Variants in CCDC30 observed in about 807,000 individuals in gnomAD.
CCDC30 encodes the protein coiled-coil domain containing 30.
In CCDC30, 70 loss-of-function variants were observed where a neutral mutation model predicts 100.2. The observed-to-expected ratio is 0.70, with a 90% CI of 0.58 to 0.85. The LOEUF is 0.85. Among genes scored for constraint, CCDC30 ranks in the 40% least tolerant of loss-of-function variants. The probability of loss-of-function intolerance (pLI) is 0.00; values close to 1 mark genes in which losing one functional copy is unlikely to be tolerated. For missense variants in CCDC30, 652 were observed against 771.2 expected, an observed-to-expected ratio of 0.85 and a Z score of 1.83; for synonymous variants, 233 against 269.5, an observed-to-expected ratio of 0.86 and a Z score of 1.33.
chr1:42,581,596 T>A (rs574861321), intron 9 of CCDC30, 82 bp downstream of exon 13: 2 of 1,284,222 alleles, frequency 1.6e-6, no homozygotes, highest in South Asian at 3.0e-5. Flanking sequence ...TCTAACAGAA[T>A]ATCAGAGAGT....
At chr1:42,477,933 G>A (rs564853273) in intron 1 of CCDC30, among the ~76,000 whole-genome samples, 1 of 152,194 alleles carries the variant, frequency 6.6e-6, no homozygotes, top group African/African-American at 2.4e-5. Context: ...GAACAGAGTT[G>A]ATAATACATA....
chr1:42,466,194 C>G (rs557236075), intron 1 of CCDC30, among the ~76,000 whole-genome samples: 2 of 152,278 alleles, frequency 1.3e-5, no homozygotes, highest in African/African-American at 2.4e-5. Context: ...TGTGGCTGTG[C>G]TATGTACTTT....
At chr1:42,614,224 G>A (rs1194751366) in intron 11 of CCDC30, among the ~76,000 whole-genome samples, 1 of 150,768 alleles carries the variant, frequency 6.6e-6, no homozygotes, top group Non-Finnish European at 1.5e-5. Flanking sequence ...GGGACTACAG[G>A]CGCCCGCCAC....
In CCDC30 at chr1:42,642,458, C is replaced by T; in HGVS notation, c.1420-15C>T. The T allele has an allele frequency of 6.7e-7, 1 of 1,494,442 alleles. No homozygotes were observed. 92.6% of individuals were successfully genotyped at this position (1,494,442 alleles called of 1,614,324 possible). A position where few individuals can be genotyped will look rare whatever the true frequency, so the allele number is the denominator to read the frequency against. ...TTCTCCTGCTGTGGTAATTAGGAGA[C>T]TTTCTAATCCCTAGGAGAAGGCAAT... On this transcript the variant is annotated splice_polypyrimidine_tract_variant and intron_variant, in intron 12 of 16. Transcript: ENST00000668663.
At chr1:42,481,323 C>A (rs1643953621) in intron 2 of CCDC30, among the ~76,000 whole-genome samples, 1 of 152,010 alleles carries the variant, frequency 6.6e-6, no homozygotes, top group Non-Finnish European at 1.5e-5. Flanking sequence ...TACCTGTAAT[C>A]CCAGCACTTT....
At chr1:42,603,819 C>G (rs1646452135) in intron 10 of CCDC30, among the ~76,000 whole-genome samples, 1 of 152,208 alleles carries the variant, frequency 6.6e-6, no homozygotes, top group Non-Finnish European at 1.5e-5. Flanking sequence ...ACCCAAAACC[C>G]TGCATACAGA....
chr1:42,614,107 G>A (rs1336245918), intron 11 of CCDC30, among the ~76,000 whole-genome samples: 2 of 147,034 alleles, frequency 1.4e-5, no homozygotes, highest in Non-Finnish European at 3.0e-5. Flanking sequence ...TTGAGATGGA[G>A]TCTCGCTCTG....
chr1:42,568,356 C>T (rs2148568180), intron 7 of CCDC30, among the ~76,000 whole-genome samples: 1 of 152,262 alleles, frequency 6.6e-6, no homozygotes, highest in African/African-American at 2.4e-5. Flanking sequence ...CTCAGGTGAT[C>T]CTTCCGGCTT....
At chr1:42,620,609 C>G (rs112975234) in intron 11 of CCDC30, among the ~76,000 whole-genome samples, 2,594 of 151,322 alleles carry the variant, frequency 0.017, 68 homozygotes, top group African/African-American at 0.06. Flanking sequence ...TAACTTGTCT[C>G]TCAGGAATCT....
chr1:42,605,484 CATT>C (rs1030440191), intron 10 of CCDC30, among the ~76,000 whole-genome samples: 1 of 152,202 alleles, frequency 6.6e-6, no homozygotes, highest in African/African-American at 2.4e-5. Context: ...CAAACAAAGT[CATT>C]ATTTTTTTTC....
intron 11 of CCDC30, among the ~76,000 whole-genome samples, chr1:42,629,390 G>T (rs766538328): frequency 1.3e-5 from 2 of 152,150 alleles, no homozygotes; most frequent in Non-Finnish European, 2.9e-5. Context: ...AAAGTCTGCT[G>T]CCAGACATAT....
intron 6 of CCDC30, 102 bp from the exon 7 acceptor site, chr1:42,536,374 C>G (rs1318504430): frequency 5.7e-6 from 4 of 701,542 alleles, no homozygotes; most frequent in Non-Finnish European, 9.0e-6. Flanking sequence ...TCATAAATCC[C>G]CTGGATGATT....
At chr1:42,472,022 G>T (rs550299472) in intron 1 of CCDC30, among the ~76,000 whole-genome samples, 2 of 152,312 alleles carry the variant, frequency 1.3e-5, no homozygotes, top group East Asian at 3.9e-4. Flanking sequence ...TTAATAGTTA[G>T]TGGTTTTAAT....
At chr1:42,570,506 G>A (rs1459440732) in intron 7 of CCDC30, among the ~76,000 whole-genome samples, 2 of 151,938 alleles carry the variant, frequency 1.3e-5, no homozygotes, top group East Asian at 1.9e-4. Context: ...ACACTACCCA[G>A]GAGAAGAAAT....
chr1:42,561,762 A>G (rs987549226), intron 6 of CCDC30, among the ~76,000 whole-genome samples: 1 of 152,246 alleles, frequency 6.6e-6, no homozygotes, highest in African/African-American at 2.4e-5. Flanking sequence ...AAGTCTCAGC[A>G]TACAAAATCA....
intron 3 of CCDC30, among the ~76,000 whole-genome samples, chr1:42,485,953 C>G (rs770269111): frequency 3.9e-5 from 6 of 152,284 alleles, no homozygotes; most frequent in African/African-American, 7.2e-5. Context: ...TTCATACCCA[C>G]TAGAATGGCC....
chr1:42,644,637 T>A, intron 13 of CCDC30, 56 bp from the exon 18 acceptor site: 1 of 1,122,396 alleles, frequency 8.9e-7, no homozygotes, highest in Middle Eastern at 2.0e-4. Flanking sequence ...TAGTTTTGGG[T>A]TTTTAGTAAT....
chr1:42,502,807 C>T (rs1420214362), intron 6 of CCDC30, among the ~76,000 whole-genome samples: 2 of 152,186 alleles, frequency 1.3e-5, no homozygotes, highest in Non-Finnish European at 2.9e-5. Flanking sequence ...ACATTTGTGT[C>T]TGCCTTCTTT....
chr1:42,517,174 C>T (rs984628129), intron 6 of CCDC30, among the ~76,000 whole-genome samples: 6 of 152,138 alleles, frequency 3.9e-5, no homozygotes, highest in Admixed American at 6.5e-5. Flanking sequence ...ACCTCCAACT[C>T]CTGTGCTCAA....
Sources: allele counts gnomAD v4.1 joint callset (sites outside exome capture counted in the v4.1 genomes callset), GRCh38; gene constraint gnomAD v4.1.1; transcripts MANE v1.5; gene names NCBI Gene and HGNC (gene_info 2026-07-23, HGNC 2026-07-21).